Variants in PCDH9 observed in about 807,000 individuals in gnomAD.
PCDH9 encodes protocadherin-9.
A neutral mutation model predicts 70.6 loss-of-function variants in PCDH9; 24 were observed. The observed-to-expected ratio is 0.34, with a 90% CI of 0.25 to 0.48. The LOEUF is 0.48. Ranked by LOEUF, PCDH9 falls within the 20% of genes least tolerant of loss-of-function variation. PCDH9 has a pLI of 0.99. For missense variants in PCDH9, 1,281 were observed against 1,503.6 expected (o/e 0.85, Z 2.45); for synonymous variants, 562 against 558.5 (o/e 1.01, Z -0.09).
At chr13:66,846,900 C>CAT (rs1456700651) in intron 3 of PCDH9, among the ~76,000 whole-genome samples, 3 of 151,702 alleles carry the variant, frequency 2.0e-5, no homozygotes, top group African/African-American at 4.8e-5. Flanking sequence ...CACACACACA[C>CAT]ACACACACAA....
At chr13:66,396,137 T>G (rs995566963) in intron 4 of PCDH9, among the ~76,000 whole-genome samples, 1 of 152,170 alleles carries the variant, frequency 6.6e-6, no homozygotes, top group Non-Finnish European at 1.5e-5. Context: ...AATTTAGGTA[T>G]AGGGATGTTA....
At chr13:66,376,265 T>A (rs999982282) in intron 4 of PCDH9, among the ~76,000 whole-genome samples, 4 of 152,206 alleles carry the variant, frequency 2.6e-5, no homozygotes, top group Non-Finnish European at 5.9e-5. Flanking sequence ...TAGTCTGAAG[T>A]CTAAAGACTA....
intron 3 of PCDH9, among the ~76,000 whole-genome samples, chr13:66,727,017 A>G (rs2079014344): frequency 6.6e-6 from 1 of 152,138 alleles, no homozygotes; most frequent in Non-Finnish European, 1.5e-5. Context: ...AGGTGCTTTG[A>G]GAGGCTGAAT....
At chr13:66,407,247 A>G (rs533218301) in intron 4 of PCDH9, among the ~76,000 whole-genome samples, 4 of 152,360 alleles carry the variant, frequency 2.6e-5, no homozygotes, top group African/African-American at 9.6e-5. Context: ...AAGCGTAAAT[A>G]CATCTGAGAG....
chr13:66,430,217 T>C (rs763464116), intron 4 of PCDH9, among the ~76,000 whole-genome samples: 4 of 152,128 alleles, frequency 2.6e-5, no homozygotes, highest in Admixed American at 6.6e-5. Context: ...TATTTACCTA[T>C]ATTTTTACTA....
intron 2 of PCDH9, among the ~76,000 whole-genome samples, chr13:66,959,412 A>G (rs1045318089): frequency 1.8e-4 from 27 of 152,194 alleles, no homozygotes; most frequent in African/African-American, 6.5e-4. Context: ...TATTTGGCCA[A>G]TTGTAAACTT....
At chr13:67,191,447 T>G (rs1348064384) in intron 2 of PCDH9, among the ~76,000 whole-genome samples, 2 of 152,108 alleles carry the variant, frequency 1.3e-5, no homozygotes, top group Non-Finnish European at 2.9e-5. Flanking sequence ...TTTGTTCACA[T>G]CCCTCTATCT....
At position 66,844,011 on chromosome 13, in the gene PCDH9, A is replaced by AT. The variant is rs541794627; in HGVS notation, c.3138+59492dup. Among the ~76,000 whole-genome samples, 406 of 151,090 alleles carry AT rather than the reference A, an allele frequency of 2.7e-3. 2 individuals are homozygous for AT. The highest frequency in any genetic ancestry group is 0.014 in the Admixed American group (217 of 15,122). Reference sequence around the variant, plus strand: ...GTAGCAATACTTCACTTTCTAATACATTTTTTTTTCAAGAATATCTGAGCA... The same window carrying AT: ...GTAGCAATACTTCACTTTCTAATACATTTTTTTTTTCAAGAATATCTGAGCA... On this transcript the variant is annotated intron_variant, in intron 3 of 4. Coordinates refer to ENST00000377865, the MANE Select transcript of PCDH9 (RefSeq NM_203487.3).
At chr13:66,715,167 C>A (rs1342054783) in intron 3 of PCDH9, among the ~76,000 whole-genome samples, 1 of 152,090 alleles carries the variant, frequency 6.6e-6, no homozygotes, top group Non-Finnish European at 1.5e-5. Flanking sequence ...TTTTCTGTTT[C>A]TTTAGACTGA....
chr13:66,647,124 G>A (rs1357598597), intron 3 of PCDH9, among the ~76,000 whole-genome samples: 1 of 152,086 alleles, frequency 6.6e-6, no homozygotes, highest in Non-Finnish European at 1.5e-5. Context: ...AGGCCACAGG[G>A]ACTGCAATTC....
chr13:67,034,675 T>TC lies in PCDH9; in HGVS notation c.3037-131071_3037-131070insG, dbSNP rs1259951675. ...TAGAAAGTCCTTCCATTTCTTTCTT[T>TC]TTTTTTTTTTTAACTTTTAGTTCCA... is the stretch of plus-strand genomic sequence containing the variant. On this transcript the variant is annotated intron_variant, in intron 2 of 4. Transcript: ENST00000377865. Among the ~76,000 whole-genome samples the TC allele has an allele frequency of 2.6e-5, 4 of 151,414 alleles. No individual in the cohort carries two copies. The East Asian group carries it at 5.8e-4, about 22-fold the overall frequency.
intron 4 of PCDH9, among the ~76,000 whole-genome samples, chr13:66,434,352 A>T (rs1405153189): frequency 2.6e-5 from 4 of 152,014 alleles, no homozygotes; most frequent in Non-Finnish European, 5.9e-5. Flanking sequence ...CTTTCGGTAA[A>T]TTTCAGTCTT....
chr13:66,784,011 C>T (rs2080040414), intron 3 of PCDH9, among the ~76,000 whole-genome samples: 1 of 151,952 alleles, frequency 6.6e-6, no homozygotes, highest in South Asian at 2.1e-4. Context: ...TTGAGAAAAC[C>T]TTCATAAACA....
chr13:66,352,864 G>A (rs1566263113), intron 4 of PCDH9, among the ~76,000 whole-genome samples: 2 of 152,046 alleles, frequency 1.3e-5, no homozygotes, highest in South Asian at 2.1e-4. Context: ...TGATTGTCAC[G>A]AACATCTGGC....
At chr13:66,696,198 A>G (rs906415279) in intron 3 of PCDH9, among the ~76,000 whole-genome samples, 1 of 152,138 alleles carries the variant, frequency 6.6e-6, no homozygotes, top group South Asian at 2.1e-4. Context: ...TGAATTTTTT[A>G]AAAAATCACT....
rs142826201 is a variant in PCDH9, at chr13:67,048,756, T to A, written c.3037-145151A>T. ...TTGTGGGCAGCTTACAGACAGGGCC[T>A]CTGCCTTACTCACAGGTGTTTCCTG... On this transcript the variant is annotated intron_variant, in intron 2 of 4. Coordinates refer to ENST00000377865, the MANE Select transcript of PCDH9 (RefSeq NM_203487.3). Among the ~76,000 whole-genome samples, 148 of 152,340 alleles carry A rather than the reference T, an allele frequency of 9.7e-4. 1 individual carries two copies. Among genetic ancestry groups the A allele is most frequent in the African/African-American group, 3.3e-3 (136 of 41,586 alleles).
At chr13:66,432,874 C>T (rs1238374254) in intron 4 of PCDH9, among the ~76,000 whole-genome samples, 2 of 151,930 alleles carry the variant, frequency 1.3e-5, no homozygotes, top group Non-Finnish European at 2.9e-5. Context: ...TGTATGAGTT[C>T]ACATGGCTTC....
chr13:66,841,946 C>A (rs1021428608), intron 3 of PCDH9, among the ~76,000 whole-genome samples: 1 of 151,978 alleles, frequency 6.6e-6, no homozygotes, highest in African/African-American at 2.4e-5. Flanking sequence ...CTATGACATT[C>A]CAAAAGGAGA....
chr13:66,423,275 C>T (rs977604862), intron 4 of PCDH9, among the ~76,000 whole-genome samples: 2 of 151,738 alleles, frequency 1.3e-5, no homozygotes, highest in Admixed American at 1.3e-4. Context: ...CCTTCTGAAA[C>T]TATTCCAAAC....
Sources: allele counts gnomAD v4.1 joint callset (sites outside exome capture counted in the v4.1 genomes callset), GRCh38; gene constraint gnomAD v4.1.1; transcripts MANE v1.5; gene names NCBI Gene and HGNC (gene_info 2026-07-23, HGNC 2026-07-21).